Variants in STON2 observed in about 807,000 individuals in gnomAD.
STON2 encodes the protein stonin 2, also known as stonin-2.
STON2 carries 29 observed loss-of-function variants against 65.7 expected under a neutral mutation model. The ratio of observed to expected loss-of-function variants is 0.44; its 90% CI spans 0.33 to 0.60. STON2 has a LOEUF of 0.60. STON2 is among the 20% of genes least tolerant of loss of function. The pLI is 0.03. For missense variants in STON2, 1,054 were observed against 1,118.1 expected (o/e 0.94, Z 0.82); for synonymous variants, 404 against 414.2 (o/e 0.98, Z 0.30).
chr14:81,340,947 T>C (rs1440948442), intron 4 of STON2, among the ~76,000 whole-genome samples: 1 of 151,904 alleles, frequency 6.6e-6, no homozygotes, highest in Middle Eastern at 3.5e-3. Context: ...ATAATTGGTA[T>C]ATTAATATTC....
At chr14:81,386,165 C>G (rs778905597) in intron 3 of STON2, among the ~76,000 whole-genome samples, 3 of 152,048 alleles carry the variant, frequency 2.0e-5, no homozygotes, top group African/African-American at 7.2e-5. Flanking sequence ...TCCTCTGAGA[C>G]GGACTCCACA....
At chr14:81,329,306 T>A (rs1897116569) in intron 4 of STON2, among the ~76,000 whole-genome samples, 1 of 151,716 alleles carries the variant, frequency 6.6e-6, no homozygotes, top group Non-Finnish European at 1.5e-5. Flanking sequence ...ACAAAAGAAA[T>A]TAGCCAGGCG....
intron 1 of STON2, among the ~76,000 whole-genome samples, chr14:81,429,659 C>T (rs1300110338): frequency 6.6e-6 from 1 of 152,170 alleles, no homozygotes; most frequent in East Asian, 1.9e-4. Context: ...CTAGGTCGGG[C>T]ATGATGGCTC....
Position 81,262,230 on chromosome 14 carries a change from TAAAG to T in STON2, c.*6180_*6183del. The T allele has an allele frequency of 1.0e-6, 1 of 985,442 alleles. No individual in the cohort carries two copies. Among genetic ancestry groups the T allele is most frequent in the Non-Finnish European group, 1.2e-6 (1 of 829,934 alleles). 61.0% of individuals were successfully genotyped at this position (985,442 alleles called of 1,614,324 possible). ...TGATTGTCTCCATGGCTATGTCCTG[TAAAG>T]ATTCACAGAAACCCCAATTTCCCCT... On this transcript the variant is annotated 3_prime_UTR_variant, in exon 8 of 8. Coordinates refer to ENST00000614646, the MANE Select transcript of STON2 (RefSeq NM_001394390.1).
chr14:81,399,338 A>C (rs1300113102), intron 1 of STON2, among the ~76,000 whole-genome samples: 1 of 151,654 alleles, frequency 6.6e-6, no homozygotes, highest in Non-Finnish European at 1.5e-5. Flanking sequence ...TTTATAATGA[A>C]TTAATAAAAT....
chr14:81,430,296 C>G (rs1902175808), intron 1 of STON2, among the ~76,000 whole-genome samples: 3 of 152,190 alleles, frequency 2.0e-5, no homozygotes, highest in Non-Finnish European at 2.9e-5. Flanking sequence ...TGTCTTTTCT[C>G]TCTCAGCATA....
rs142937782 is a variant in STON2, at chr14:81,393,419, G to A, written c.373+2475C>T. 4.6e-5 allele frequency among the ~76,000 whole-genome samples: 7 copies of A among 152,298 alleles called. No homozygotes were observed. The East Asian group carries it at 1.2e-3, about 25-fold the overall frequency. On this transcript the variant is annotated intron_variant, in intron 3 of 7. Transcript: ENST00000614646. ...AGAGGATACTAGAGCAGCAGCAGCAGCAGCAGCAGGAAGAGTGAGGCAAAC... is the reference window on the plus strand; with the variant it reads ...AGAGGATACTAGAGCAGCAGCAGCAACAGCAGCAGGAAGAGTGAGGCAAAC...
intron 3 of STON2, among the ~76,000 whole-genome samples, chr14:81,385,564 C>T (rs1464975689): frequency 6.6e-6 from 1 of 152,100 alleles, no homozygotes; most frequent in Non-Finnish European, 1.5e-5. Context: ...GGTAAGAGGC[C>T]AGTTTCCTTG....
Position 81,396,196 on chromosome 14 carries a change from C to T in STON2, c.89-18G>A, listed in dbSNP as rs756690434. On this transcript the variant is annotated intron_variant, in intron 2 of 7. Transcript: ENST00000614646. ...CGTGCCCCCTGAAACAGATACCAGA[C>T]GCCACCATCATGTGAGGAAGGCCGC... is the stretch of plus-strand genomic sequence containing the variant. 24 of 1,578,936 alleles carry T rather than the reference C, an allele frequency of 1.5e-5. No individual in the cohort carries two copies. Among genetic ancestry groups the T allele is most frequent in the South Asian group, 5.9e-5 (5 of 85,064 alleles).
At chr14:81,324,324 C>T (rs1451208620) in intron 4 of STON2, among the ~76,000 whole-genome samples, 137 bp from the exon 5 acceptor site, 1 of 152,260 alleles carries the variant, frequency 6.6e-6, no homozygotes, top group African/African-American at 2.4e-5. Flanking sequence ...TGAGATCTCC[C>T]TTCTGATTTC....
chr14:81,373,094 C>T (rs182794506), intron 3 of STON2, among the ~76,000 whole-genome samples: 11 of 152,264 alleles, frequency 7.2e-5, no homozygotes, highest in Admixed American at 5.9e-4. Context: ...ATGTACTACA[C>T]GCCCATGTCT....
chr14:81,317,579 T>C (rs889874813), intron 5 of STON2, among the ~76,000 whole-genome samples: 9 of 152,208 alleles, frequency 5.9e-5, no homozygotes, highest in African/African-American at 2.2e-4. Context: ...GGCACAAGCC[T>C]TTCACAAAAT....
chr14:81,421,516 G>A (rs1231405145), intron 2 of STON2, among the ~76,000 whole-genome samples: 2 of 152,220 alleles, frequency 1.3e-5, no homozygotes, highest in Non-Finnish European at 2.9e-5. Context: ...CTAGTAATTA[G>A]AGTGATTAGG....
intron 3 of STON2, among the ~76,000 whole-genome samples, chr14:81,376,356 C>T (rs1178123676): frequency 6.6e-6 from 1 of 151,628 alleles, no homozygotes; most frequent in Non-Finnish European, 1.5e-5. Flanking sequence ...GTCTTTATAC[C>T]AATACATAAA....
chr14:81,434,625 GTGT>G, intron 1 of STON2, among the ~76,000 whole-genome samples: 1 of 152,136 alleles, frequency 6.6e-6, no homozygotes, highest in South Asian at 2.1e-4. Context: ...GGGTAGTATG[GTGT>G]GGTAAGACAG....
At chr14:81,407,018 A>C (rs1484595777) in intron 2 of STON2, among the ~76,000 whole-genome samples, 1 of 152,180 alleles carries the variant, frequency 6.6e-6, no homozygotes, top group Non-Finnish European at 1.5e-5. Flanking sequence ...ACTCCAGCTG[A>C]CCACACTGCA....
intron 4 of STON2, among the ~76,000 whole-genome samples, chr14:81,367,891 C>T (rs548930563): frequency 6.6e-6 from 1 of 152,286 alleles, no homozygotes; most frequent in South Asian, 2.1e-4. Context: ...ATCCTGGGTC[C>T]TAGCTTAATT....
At chr14:81,419,051 A>T (rs927489943) in intron 2 of STON2, among the ~76,000 whole-genome samples, 11 of 95,516 alleles carry the variant, frequency 1.2e-4, no homozygotes, top group African/African-American at 7.3e-4. Flanking sequence ...TCTACAAATT[A>T]AAAAAAAAAA....
chr14:81,389,304 C>T (rs1293768174), intron 3 of STON2, among the ~76,000 whole-genome samples: 2 of 152,158 alleles, frequency 1.3e-5, no homozygotes, highest in Admixed American at 6.5e-5. Context: ...CACAGAGACA[C>T]ACCTACATAC....
Sources: allele counts gnomAD v4.1 joint callset (sites outside exome capture counted in the v4.1 genomes callset), GRCh38; gene constraint gnomAD v4.1.1; transcripts MANE v1.5; gene names NCBI Gene and HGNC (gene_info 2026-07-23, HGNC 2026-07-21).